The following KCNMB4 variants were observed in gnomAD, a reference collection of about 807,000 sequenced individuals.
KCNMB4 encodes potassium calcium-activated channel subfamily M regulatory beta subunit 4, also known as calcium-activated potassium channel subunit beta-4.
A neutral mutation model predicts 20.7 loss-of-function variants in KCNMB4; 3 were observed. The ratio of observed to expected loss-of-function variants is 0.14; its 90% CI spans 0.07 to 0.37. The LOEUF (loss-of-function observed/expected upper bound fraction) is 0.37. Among genes scored for constraint, KCNMB4 ranks in the 10% least tolerant of loss-of-function variants. The pLI is 1.00. For synonymous variants in KCNMB4, 110 were observed against 113.4 expected (o/e 0.97, Z 0.19); for missense variants, 168 against 265.9 (o/e 0.63, Z 2.56).
Position 70,433,969 on chromosome 12 carries a change from G to C in KCNMB4, c.*3316G>C, listed in dbSNP as rs1869432672. ...AAAAATATACGCTTTTATAGGCCGG[G>C]GTTTTAGTTCATTTGACTGTAATAA... On this transcript the variant is annotated 3_prime_UTR_variant, in exon 3 of 3. Transcript: ENST00000258111. 6.6e-6 allele frequency: 1 copy of C among 152,164 alleles called. No homozygotes were observed. Among genetic ancestry groups the C allele is most frequent in the African/African-American group, 2.4e-5 (1 of 41,436 alleles). The allele number at this position is 152,164 out of a possible 1,614,324, so 9.4% of individuals were successfully genotyped here.
intron 1 of KCNMB4, among the ~76,000 whole-genome samples, chr12:70,368,277 C>A (rs769691345): frequency 1.3e-5 from 2 of 151,998 alleles, no homozygotes; most frequent in Non-Finnish European, 2.9e-5. Context: ...AGCTTACCGT[C>A]ACTCTGCAAT....
chr12:70,408,111 G>A (rs1431244902), intron 2 of KCNMB4, among the ~76,000 whole-genome samples: 1 of 152,054 alleles, frequency 6.6e-6, no homozygotes, highest in Non-Finnish European at 1.5e-5. Context: ...CCAAACGGTG[G>A]GGGTGTAGAT....
chr12:70,390,209 A>C (rs1239970583), intron 1 of KCNMB4, among the ~76,000 whole-genome samples: 1 of 152,210 alleles, frequency 6.6e-6, no homozygotes, highest in Non-Finnish European at 1.5e-5. Flanking sequence ...AAACCAACCC[A>C]GATTAACAAC....
At chr12:70,395,793 T>C (rs1270439877) in intron 1 of KCNMB4, among the ~76,000 whole-genome samples, 1 of 152,236 alleles carries the variant, frequency 6.6e-6, no homozygotes, top group Non-Finnish European at 1.5e-5. Context: ...ATATGGGCTC[T>C]AGTGAAGGTT....
At chr12:70,388,497 C>G (rs570484987) in intron 1 of KCNMB4, among the ~76,000 whole-genome samples, 3 of 152,064 alleles carry the variant, frequency 2.0e-5, no homozygotes, top group African/African-American at 7.2e-5. Context: ...CAAGGATTCC[C>G]TTTTCTCTAC....
Position 70,431,866 on chromosome 12 carries a change from T to A in KCNMB4, c.*1213T>A, listed in dbSNP as rs886620517. 1.3e-5 allele frequency: 2 copies of A among 152,128 alleles called. No individual in the cohort carries two copies. The highest frequency in any genetic ancestry group is 2.9e-5 in the Non-Finnish European group (2 of 68,022). 9.4% of individuals were successfully genotyped at this position (152,128 alleles called of 1,614,324 possible). ...TGGAGGAAAAACTGACAACCTAATTTCATTTGTTTTCTTCTGATACTCTTC... is the reference window on the plus strand; with the variant it reads ...TGGAGGAAAAACTGACAACCTAATTACATTTGTTTTCTTCTGATACTCTTC... On this transcript the variant is annotated 3_prime_UTR_variant, in exon 3 of 3. Transcript: ENST00000258111.
At chr12:70,382,301 C>T (rs915239030) in intron 1 of KCNMB4, among the ~76,000 whole-genome samples, 12 of 151,206 alleles carry the variant, frequency 7.9e-5, no homozygotes, top group African/African-American at 2.2e-4. Flanking sequence ...GGCGCAGTGG[C>T]GGGCGCCTGT....
intron 2 of KCNMB4, among the ~76,000 whole-genome samples, chr12:70,416,914 T>C (rs1197074817): frequency 1.3e-5 from 2 of 152,178 alleles, no homozygotes; most frequent in Non-Finnish European, 2.9e-5. Flanking sequence ...TACACTTTAA[T>C]GAAATAGGCT....
At chr12:70,414,755 C>T (rs1237095557) in intron 2 of KCNMB4, among the ~76,000 whole-genome samples, 1 of 152,216 alleles carries the variant, frequency 6.6e-6, no homozygotes, top group Non-Finnish European at 1.5e-5. Context: ...TTTATTAAAG[C>T]AGGTTCCCTC....
intron 2 of KCNMB4, among the ~76,000 whole-genome samples, chr12:70,407,085 C>T (rs112476242): frequency 0.015 from 2,282 of 152,188 alleles, 70 homozygotes; most frequent in African/African-American, 0.052. Flanking sequence ...AGATGTCAAG[C>T]GCATGTCCCA....
At chr12:70,370,107 G>T (rs573976997) in intron 1 of KCNMB4, among the ~76,000 whole-genome samples, 1 of 152,174 alleles carries the variant, frequency 6.6e-6, no homozygotes, top group Admixed American at 6.5e-5. Flanking sequence ...CTTGGGTGGG[G>T]CCTGGGCATT....
At chr12:70,384,727 T>A (rs1175627410) in intron 1 of KCNMB4, among the ~76,000 whole-genome samples, 1 of 151,336 alleles carries the variant, frequency 6.6e-6, no homozygotes, top group Non-Finnish European at 1.5e-5. Flanking sequence ...TCTAAAACAA[T>A]TTTTTTTTAA....
At chr12:70,394,483 C>A (rs1868332915) in intron 1 of KCNMB4, among the ~76,000 whole-genome samples, 1 of 152,120 alleles carries the variant, frequency 6.6e-6, no homozygotes, top group African/African-American at 2.4e-5. Flanking sequence ...TTTCATTTAG[C>A]TTTCAGATGT....
chr12:70,406,819 C>G (rs1377394484), intron 2 of KCNMB4, among the ~76,000 whole-genome samples: 1 of 152,208 alleles, frequency 6.6e-6, no homozygotes, highest in Non-Finnish European at 1.5e-5. Context: ...TCTCAATACC[C>G]AGTCAAGAAG....
At chr12:70,421,470 G>GAAAAAAAAAAAA in intron 2 of KCNMB4, among the ~76,000 whole-genome samples, 1 of 75,672 alleles carries the variant, frequency 1.3e-5, no homozygotes, top group Non-Finnish European at 2.4e-5. Flanking sequence ...TCTCAAAAAA[G>GAAAAAAAAAAAA]AAAAAAAAAA....
intron 1 of KCNMB4, among the ~76,000 whole-genome samples, chr12:70,373,814 C>G (rs146681316): frequency 6.6e-6 from 1 of 152,176 alleles, no homozygotes; most frequent in East Asian, 1.9e-4. Flanking sequence ...AAGATCCCAT[C>G]TCTTAAAAAA....
intron 1 of KCNMB4, among the ~76,000 whole-genome samples, chr12:70,386,030 C>A (rs1345633075): frequency 6.6e-6 from 1 of 152,108 alleles, no homozygotes; most frequent in African/African-American, 2.4e-5. Flanking sequence ...GAAACAAAAA[C>A]CTATAATAAC....
intron 2 of KCNMB4, among the ~76,000 whole-genome samples, chr12:70,429,619 A>G (rs549366213): frequency 2.7e-4 from 41 of 150,676 alleles, no homozygotes; most frequent in Non-Finnish European, 4.9e-4. Context: ...GTGAGCCAAG[A>G]TGGCACCACT....
At chr12:70,420,201 AG>A (rs1323583572) in intron 2 of KCNMB4, among the ~76,000 whole-genome samples, 1 of 152,160 alleles carries the variant, frequency 6.6e-6, no homozygotes, top group Non-Finnish European at 1.5e-5. Flanking sequence ...AGTATAGGAG[AG>A]CGGTTTATGG....
Sources: allele counts gnomAD v4.1 joint callset (sites outside exome capture counted in the v4.1 genomes callset), GRCh38; gene constraint gnomAD v4.1.1; transcripts MANE v1.5; gene names NCBI Gene and HGNC (gene_info 2026-07-23, HGNC 2026-07-21).